BICC1: variants seen among roughly 807,000 people sequenced by gnomAD.
BICC1 encodes the protein protein bicaudal C homolog 1.
In BICC1, 43 loss-of-function variants were observed where a neutral mutation model predicts 111.0. The ratio of observed to expected loss-of-function variants is 0.39; its 90% CI spans 0.30 to 0.50. The LOEUF (loss-of-function observed/expected upper bound fraction) is 0.50, where lower values mean the gene tolerates loss of function less well. BICC1 is among the 20% of genes least tolerant of loss of function. The probability of loss-of-function intolerance (pLI) is 0.88; values close to 1 mark genes in which losing one functional copy is unlikely to be tolerated. For synonymous variants in BICC1, 467 were observed against 434.4 expected (o/e 1.07, Z -0.93); for missense variants, 1,091 against 1,203.2 (o/e 0.91, Z 1.38).
chr10:58,731,448 T>C (rs2132558188), intron 3 of BICC1, among the ~76,000 whole-genome samples: 1 of 152,346 alleles, frequency 6.6e-6, no homozygotes, highest in East Asian at 1.9e-4. Context: ...CAATGTTGCT[T>C]CCACATTTTC....
At chr10:58,823,310 T>C (rs958278198) in intron 20 of BICC1, 1 of 985,184 alleles carries the variant, frequency 1.0e-6, no homozygotes, top group Non-Finnish European at 1.2e-6. Flanking sequence ...AAAAGGTTGG[T>C]ATTTTCCCAA....
At chr10:58,562,732 A>G (rs985321757) in intron 1 of BICC1, among the ~76,000 whole-genome samples, 2 of 135,000 alleles carry the variant, frequency 1.5e-5, no homozygotes, top group African/African-American at 5.6e-5. Flanking sequence ...TTCTGATTTT[A>G]TGTAGTTTTT....
intron 14 of BICC1, among the ~76,000 whole-genome samples, chr10:58,801,854 G>T (rs1361697785): frequency 6.6e-6 from 1 of 151,978 alleles, no homozygotes; most frequent in Non-Finnish European, 1.5e-5. Context: ...TCTTTACATG[G>T]AGCTAATACC....
chr10:58,570,993 C>T (rs1843931600), intron 1 of BICC1, among the ~76,000 whole-genome samples: 1 of 152,146 alleles, frequency 6.6e-6, no homozygotes, highest in African/African-American at 2.4e-5. Flanking sequence ...TTTTAGTACC[C>T]AGCAAAGGTA....
intron 17 of BICC1, among the ~76,000 whole-genome samples, chr10:58,811,808 C>T (rs1332619802): frequency 6.6e-6 from 1 of 152,104 alleles, no homozygotes; most frequent in African/African-American, 2.4e-5. Context: ...GACATTCAAG[C>T]TAAAACCTAG....
At chr10:58,539,761 A>G (rs1410806961) in intron 1 of BICC1, among the ~76,000 whole-genome samples, 1 of 151,966 alleles carries the variant, frequency 6.6e-6, no homozygotes, top group Non-Finnish European at 1.5e-5. Context: ...AGAGCACTTG[A>G]ATAATGCTAT....
chr10:58,730,748 G>A (rs900876809), intron 3 of BICC1, among the ~76,000 whole-genome samples: 1 of 152,138 alleles, frequency 6.6e-6, no homozygotes. Context: ...ACCTTCTGAA[G>A]CAGAGTCCTG....
chr10:58,685,252 T>C (rs1839678781), intron 2 of BICC1, among the ~76,000 whole-genome samples: 1 of 152,216 alleles, frequency 6.6e-6, no homozygotes, highest in African/African-American at 2.4e-5. Flanking sequence ...TTATAATTTC[T>C]GTTCTTTTAC....
chr10:58,547,463 A>G (rs1329702459), intron 1 of BICC1, among the ~76,000 whole-genome samples: 2 of 152,068 alleles, frequency 1.3e-5, no homozygotes, highest in Non-Finnish European at 2.9e-5. Flanking sequence ...TGTCAGCATC[A>G]TGTTTTACTG....
chr10:58,570,228 G>T (rs913327943), intron 1 of BICC1, among the ~76,000 whole-genome samples: 1 of 152,144 alleles, frequency 6.6e-6, no homozygotes, highest in Admixed American at 6.6e-5. Context: ...AAGAGCCTTC[G>T]TTGGGAAATT....
chr10:58,689,930 C>T (rs1170541501), intron 2 of BICC1, among the ~76,000 whole-genome samples: 1 of 152,148 alleles, frequency 6.6e-6, no homozygotes, highest in Non-Finnish European at 1.5e-5. Flanking sequence ...AGTATTTCAA[C>T]TTGATGCATT....
Position 58,787,021 on chromosome 10 carries a change from C to G in BICC1, c.486C>G (p.Thr162=), listed in dbSNP as rs766952797. 1 of 1,606,750 alleles carries G rather than the reference C, an allele frequency of 6.2e-7. No individual in the cohort carries two copies. Among genetic ancestry groups the G allele is most frequent in the Non-Finnish European group, 8.5e-7 (1 of 1,177,040 alleles). Residue 162 remains threonine, a synonymous_variant, in exon 5 of 21, where the codon ACC becomes ACG. Coordinates refer to ENST00000373886, the MANE Select transcript of BICC1 (RefSeq NM_001080512.3). ...GNNIKKVMEE[T]GCHIHFPDSN... ...ATATTAAAAAAGTGATGGAAGAAACCGGATGCCATATCCACTTTCCAGATT... is the reference window on the plus strand; with the variant it reads ...ATATTAAAAAAGTGATGGAAGAAACGGGATGCCATATCCACTTTCCAGATT...
intron 3 of BICC1, among the ~76,000 whole-genome samples, chr10:58,776,580 C>T (rs1438303345): frequency 6.6e-6 from 1 of 152,180 alleles, no homozygotes; most frequent in Non-Finnish European, 1.5e-5. Context: ...ATTGCCATTG[C>T]AGAGGGCTGG....
chr10:58,577,924 C>G (rs1449297447), intron 1 of BICC1, among the ~76,000 whole-genome samples: 1 of 152,150 alleles, frequency 6.6e-6, no homozygotes, highest in Non-Finnish European at 1.5e-5. Context: ...TTAAAAATTG[C>G]ATTTAGCCCT....
intron 17 of BICC1, among the ~76,000 whole-genome samples, chr10:58,808,167 T>C (rs550766223): frequency 1.6e-4 from 25 of 152,086 alleles, no homozygotes; most frequent in South Asian, 8.3e-4. Flanking sequence ...TTGGGAGTTA[T>C]AGTAGCAACA....
At chr10:58,805,635 C>G (rs1254965451) in intron 15 of BICC1, among the ~76,000 whole-genome samples, 1 of 152,168 alleles carries the variant, frequency 6.6e-6, no homozygotes, top group Non-Finnish European at 1.5e-5. Flanking sequence ...CTTTTATTAT[C>G]TTGGCCTAAT....
intron 3 of BICC1, among the ~76,000 whole-genome samples, chr10:58,702,936 CT>C (rs1287863925): frequency 6.6e-6 from 1 of 152,120 alleles, no homozygotes; most frequent in Non-Finnish European, 1.5e-5. Flanking sequence ...GTTATTGCTG[CT>C]GTTTAGTTTC....
chr10:58,653,638 G>A (rs1195645605), intron 2 of BICC1, among the ~76,000 whole-genome samples: 2 of 151,744 alleles, frequency 1.3e-5, no homozygotes, highest in African/African-American at 4.8e-5. Context: ...CGTCTTGTTT[G>A]AACCAGGGCA....
At chr10:58,526,584 C>A (rs1404113175) in intron 1 of BICC1, among the ~76,000 whole-genome samples, 1 of 150,042 alleles carries the variant, frequency 6.7e-6, no homozygotes, top group Non-Finnish European at 1.5e-5. Context: ...CCTGCTCCCC[C>A]CACCCCACGA....
Sources: allele counts gnomAD v4.1 joint callset (sites outside exome capture counted in the v4.1 genomes callset), GRCh38; gene constraint gnomAD v4.1.1; transcripts MANE v1.5; gene names NCBI Gene and HGNC (gene_info 2026-07-23, HGNC 2026-07-21).